Variants in ATG7 observed in about 807,000 individuals in gnomAD.
ATG7 encodes ubiquitin-like modifier-activating enzyme ATG7.
ATG7 carries 70 observed loss-of-function variants against 82.4 expected under a neutral mutation model. The ratio of observed to expected loss-of-function variants is 0.85; its 90% confidence interval spans 0.70 to 1.04. The LOEUF (loss-of-function observed/expected upper bound fraction) is 1.04. Among genes scored for constraint, ATG7 ranks in the 50% least tolerant of loss-of-function variants. ATG7 has a pLI of 0.00. For missense variants in ATG7, 792 were observed against 864.3 expected (o/e 0.92, Z 1.05); for synonymous variants, 287 against 313.0 (o/e 0.92, Z 0.88).
Position 11,557,189 on chromosome 3 carries a change from CTG to C in ATG7, c.*2348_*2349del, listed in dbSNP as rs1325138285. 1 of 152,782 alleles carries C rather than the reference CTG, an allele frequency of 6.5e-6. No homozygotes were observed. Among genetic ancestry groups the C allele is most frequent in the Non-Finnish European group, 1.5e-5 (1 of 68,046 alleles). 9.5% of individuals were successfully genotyped at this position (152,782 alleles called of 1,614,324 possible). ...GCAGCTGTGACCTCCACAGCTGTGT[CTG>C]TCATGCTTGCTTCATCTAATTTCTA... On this transcript the variant is annotated 3_prime_UTR_variant, in exon 21 of 21. Transcript: ENST00000693202.
At chr3:11,437,819 A>G (rs1313313765) in intron 20 of ATG7, among the ~76,000 whole-genome samples, 10 of 152,196 alleles carry the variant, frequency 6.6e-5, no homozygotes, top group African/African-American at 2.4e-4. Context: ...TCACCCCTAA[A>G]TTTTAGCATG....
chr3:11,391,063 G>A (rs141243011), intron 19 of ATG7, among the ~76,000 whole-genome samples: 5 of 152,194 alleles, frequency 3.3e-5, no homozygotes, highest in East Asian at 1.9e-4. Flanking sequence ...AGTGTTTTCC[G>A]TTGATCTTTT....
chr3:11,443,503 C>T (rs1338984693), intron 20 of ATG7, among the ~76,000 whole-genome samples: 1 of 152,168 alleles, frequency 6.6e-6, no homozygotes, highest in Non-Finnish European at 1.5e-5. Flanking sequence ...CTCCCAACCT[C>T]ATCCTCCTGA....
chr3:11,474,188 C>T (rs907103440), intron 20 of ATG7, among the ~76,000 whole-genome samples: 2 of 152,230 alleles, frequency 1.3e-5, no homozygotes, highest in Non-Finnish European at 2.9e-5. Context: ...CTCTTCTAAG[C>T]ACTGGGGACA....
intron 3 of ATG7, among the ~76,000 whole-genome samples, chr3:11,283,880 C>T (rs1943496828): frequency 1.3e-5 from 2 of 152,080 alleles, no homozygotes; most frequent in Admixed American, 6.6e-5. Context: ...TGCAGTGAGC[C>T]GAGATCACGC....
At chr3:11,314,150 G>A (rs1949066703) in intron 8 of ATG7, among the ~76,000 whole-genome samples, 1 of 152,222 alleles carries the variant, frequency 6.6e-6, no homozygotes, top group South Asian at 2.1e-4. Flanking sequence ...ACCTGGAGCA[G>A]TACATGCAGA....
rs184930303 is a variant in ATG7, at chr3:11,434,921, T to G, written c.2079+7995T>G. Among the ~76,000 whole-genome samples, 3 of 152,324 alleles carry G rather than the reference T, an allele frequency of 2.0e-5. No individual in the cohort carries two copies. In the East Asian group the frequency reaches 5.8e-4, roughly 29 times the overall value. On this transcript the variant is annotated intron_variant, in intron 20 of 20. Coordinates refer to ENST00000693202, the MANE Select transcript of ATG7 (RefSeq NM_001349232.2). ...CTGGTTCCGCCAGTGTTCTCATGAG[T>G]GACCTTGGATGAATCCTTCAGTGTC...
intron 6 of ATG7, among the ~76,000 whole-genome samples, chr3:11,307,765 C>T (rs970111393): frequency 1.3e-5 from 2 of 152,164 alleles, no homozygotes; most frequent in Non-Finnish European, 2.9e-5. Context: ...CCTGTCTAAC[C>T]GCTGTAATCA....
At chr3:11,317,425 A>T (rs1435907273) in intron 9 of ATG7, among the ~76,000 whole-genome samples, 1 of 152,158 alleles carries the variant, frequency 6.6e-6, no homozygotes, top group African/African-American at 2.4e-5. Context: ...AATTAATTTA[A>T]AAGGGACTTT....
intron 20 of ATG7, among the ~76,000 whole-genome samples, chr3:11,540,917 AG>A (rs370091619): frequency 0.021 from 1,569 of 74,034 alleles, 43 homozygotes; most frequent in African/African-American, 0.038. Context: ...TGGGGGGGGG[AG>A]GGGGGGAGTC....
chr3:11,458,881 T>G (rs566175105), intron 20 of ATG7, among the ~76,000 whole-genome samples: 1 of 152,272 alleles, frequency 6.6e-6, no homozygotes, highest in South Asian at 2.1e-4. Context: ...GTGCTCTGCC[T>G]CCTGTCAGAT....
chr3:11,452,020 G>A (rs765943291), intron 20 of ATG7, among the ~76,000 whole-genome samples: 4 of 71,670 alleles, frequency 5.6e-5, no homozygotes, highest in African/African-American at 8.7e-5. Context: ...GGACTTGGGG[G>A]GTTGGGGGGT....
At chr3:11,342,776 T>G (rs1268727633) in intron 13 of ATG7, among the ~76,000 whole-genome samples, 1 of 152,118 alleles carries the variant, frequency 6.6e-6, no homozygotes, top group Non-Finnish European at 1.5e-5. Context: ...TTTTTTTCTA[T>G]TAGATACTGT....
At chr3:11,509,744 C>T (rs1575123013) in intron 20 of ATG7, among the ~76,000 whole-genome samples, 2 of 152,102 alleles carry the variant, frequency 1.3e-5, no homozygotes, top group Admixed American at 6.6e-5. Context: ...TTTTCAGGAA[C>T]CTATCTATTT....
intron 19 of ATG7, among the ~76,000 whole-genome samples, chr3:11,381,432 A>G (rs2077889972): frequency 6.6e-6 from 1 of 152,242 alleles, no homozygotes; most frequent in Non-Finnish European, 1.5e-5. Context: ...AGTCAATGAA[A>G]TAAAGATAAT....
chr3:11,355,038 C>T (rs913458669), intron 14 of ATG7, among the ~76,000 whole-genome samples: 2 of 152,170 alleles, frequency 1.3e-5, no homozygotes, highest in African/African-American at 2.4e-5. Context: ...ATTTGCAGGA[C>T]GTAGTACCAG....
chr3:11,348,197 T>A, intron 14 of ATG7, 162 bp downstream of exon 14: 1 of 1,007,740 alleles, frequency 9.9e-7, no homozygotes, highest in Non-Finnish European at 1.4e-6. Context: ...CAGAGAGGGA[T>A]AAAAAAACAC....
chr3:11,477,359 AAG>A, intron 20 of ATG7: 1 of 1,095,454 alleles, frequency 9.1e-7, no homozygotes, highest in Non-Finnish European at 1.1e-6. Flanking sequence ...TAATGAATGT[AAG>A]TTTCTCCATG....
chr3:11,534,083 C>G (rs150147341), intron 20 of ATG7, among the ~76,000 whole-genome samples: 34 of 152,368 alleles, frequency 2.2e-4, no homozygotes, highest in African/African-American at 4.6e-4. Context: ...CTCCTCCCCC[C>G]CCAGGGGAAA....
Sources: gnomAD v4.1 joint callset for allele counts (sites outside exome capture counted in the v4.1 genomes callset) on GRCh38, gnomAD v4.1.1 for gene constraint, MANE v1.5 for transcripts, NCBI Gene and HGNC (gene_info 2026-07-23, HGNC 2026-07-21) for gene names.